The following SMIM14 variants were observed in gnomAD, a reference collection of about 807,000 sequenced individuals.
SMIM14 encodes chromosome 4 open reading frame 34.
A neutral mutation model predicts 12.6 loss-of-function variants in SMIM14; 5 were observed. That is an observed-to-expected ratio of 0.40 (90% CI 0.21 to 0.83). The LOEUF (loss-of-function observed/expected upper bound fraction) is 0.83. Among genes scored for constraint, SMIM14 ranks in the 40% least tolerant of loss-of-function variants. The pLI is 0.37. For synonymous variants in SMIM14, 30 were observed against 40.1 expected (o/e 0.75, Z 0.95); for missense variants, 86 against 119.1 (o/e 0.72, Z 1.29).
intron 2 of SMIM14, among the ~76,000 whole-genome samples, chr4:39,578,195 T>C (rs2110017483): frequency 6.6e-6 from 1 of 152,324 alleles, no homozygotes; most frequent in Middle Eastern, 3.4e-3. Flanking sequence ...GTGCCCAGGC[T>C]GAAGTGCAGC....
chr4:39,631,461 A>G (rs1045623429), intron 1 of SMIM14, among the ~76,000 whole-genome samples: 7 of 151,702 alleles, frequency 4.6e-5, no homozygotes, highest in Non-Finnish European at 1.0e-4. Flanking sequence ...GATCGAGACC[A>G]TCCTGGCTAA....
intron 2 of SMIM14, among the ~76,000 whole-genome samples, chr4:39,602,739 A>T (rs1457645695): frequency 6.6e-6 from 1 of 152,140 alleles, no homozygotes; most frequent in East Asian, 1.9e-4. Flanking sequence ...TTAATGTATA[A>T]GTTCTTATTT....
chr4:39,618,796 T>C (rs1366416062), intron 1 of SMIM14, among the ~76,000 whole-genome samples: 1 of 152,108 alleles, frequency 6.6e-6, no homozygotes, highest in Non-Finnish European at 1.5e-5. Flanking sequence ...TTAGGTCTGG[T>C]AATTTACAGA....
chr4:39,578,603 T>C (rs568605857), intron 2 of SMIM14, among the ~76,000 whole-genome samples: 1 of 152,294 alleles, frequency 6.6e-6, no homozygotes, highest in South Asian at 2.1e-4. Flanking sequence ...AAACCATTCA[T>C]GTTAACACTG....
chr4:39,596,221 A>T (rs1714356536), intron 2 of SMIM14, among the ~76,000 whole-genome samples: 1 of 151,640 alleles, frequency 6.6e-6, no homozygotes, highest in Non-Finnish European at 1.5e-5. Flanking sequence ...TCAGCCTCCC[A>T]AGTAGCTGGG....
intron 3 of SMIM14, among the ~76,000 whole-genome samples, chr4:39,557,527 T>C (rs1015309216): frequency 6.6e-6 from 1 of 152,128 alleles, no homozygotes; most frequent in Non-Finnish European, 1.5e-5. Context: ...GGCCATGCCA[T>C]GTTTGTAGAT....
intron 1 of SMIM14, among the ~76,000 whole-genome samples, chr4:39,611,305 A>T (rs1032374929): frequency 4.6e-5 from 7 of 152,234 alleles, no homozygotes; most frequent in Admixed American, 2.0e-4. Context: ...CAGGAGTTCG[A>T]GACCAGCCTG....
rs905917179 is a variant in SMIM14, at chr4:39,556,682, T to C, written c.125-112A>G. 3.0e-6 allele frequency: 3 copies of C among 992,372 alleles called. No individual in the cohort carries two copies. The African/African-American group carries it at 5.0e-5, about 16-fold the overall frequency. 61.5% of individuals were successfully genotyped at this position (992,372 alleles called of 1,614,324 possible). ...TGTATTAATATAAAAATTGTATTGA[T>C]AAATTACAAAAGTACATATTATATC... On this transcript the variant is annotated intron_variant, in intron 3 of 4. Transcript: ENST00000295958.
chr4:39,599,376 CA>C (rs1413595560), intron 2 of SMIM14, among the ~76,000 whole-genome samples: 2 of 151,614 alleles, frequency 1.3e-5, no homozygotes, highest in African/African-American at 4.9e-5. Flanking sequence ...GGATTCTGAG[CA>C]AAGGAGAAAC....
At position 39,573,977 on chromosome 4, in the gene SMIM14, C is replaced by T. The variant is rs572506044; in HGVS notation, c.76-1514G>A. Among the ~76,000 whole-genome samples, 14 of 152,280 alleles carry T rather than the reference C, an allele frequency of 9.2e-5. No individual in the cohort carries two copies. The South Asian group carries it at 2.5e-3, about 27-fold the overall frequency. The stretch of plus-strand genomic sequence containing the variant: ...TATAAGCCATCCTTTTATAAGCATA[C>T]AACCTATGCTGAGACCTTTTACGAT... On this transcript the variant is annotated intron_variant, in intron 2 of 4. Coordinates refer to ENST00000295958, the MANE Select transcript of SMIM14 (RefSeq NM_174921.3).
In SMIM14 at chr4:39,601,002, CA is replaced by C. The variant is rs548421814; in HGVS notation, c.75+4068del. ...AACTTGAGTGTATGCTCCCAGAAAGCAAAAAAAAAGTTTATTAAAAAAAATT... is the reference window on the plus strand; with the variant it reads ...AACTTGAGTGTATGCTCCCAGAAAGCAAAAAAAAGTTTATTAAAAAAAATT... On this transcript the variant is annotated intron_variant, in intron 2 of 4. Transcript: ENST00000295958. Among the ~76,000 whole-genome samples the C allele has an allele frequency of 9.4e-5, 14 of 148,960 alleles. No individual in the cohort carries two copies. In the East Asian group the frequency reaches 2.7e-3, roughly 29 times the overall value.
At chr4:39,635,700 G>C (rs750814540) in intron 1 of SMIM14, among the ~76,000 whole-genome samples, 11 of 152,188 alleles carry the variant, frequency 7.2e-5, no homozygotes, top group Non-Finnish European at 1.5e-4. Flanking sequence ...AAAGATTTTA[G>C]GTAAGTTTAT....
At chr4:39,611,334 C>T (rs1278036442) in intron 1 of SMIM14, among the ~76,000 whole-genome samples, 2 of 152,080 alleles carry the variant, frequency 1.3e-5, no homozygotes, top group Non-Finnish European at 2.9e-5. Flanking sequence ...GGCCAAACCC[C>T]GTCTCTACTA....
intron 1 of SMIM14, among the ~76,000 whole-genome samples, chr4:39,619,799 T>C (rs1296139304): frequency 2.1e-5 from 3 of 140,056 alleles, no homozygotes; most frequent in African/African-American, 5.2e-5. Flanking sequence ...TTTATATATA[T>C]CTCAATTTTC....
chr4:39,578,259 C>T (rs1713304441), intron 2 of SMIM14, among the ~76,000 whole-genome samples: 1 of 152,142 alleles, frequency 6.6e-6, no homozygotes, highest in Non-Finnish European at 1.5e-5. Flanking sequence ...GCAATCCTCC[C>T]GCCCCAGGCT....
chr4:39,610,364 T>C (rs1223230437), intron 1 of SMIM14, among the ~76,000 whole-genome samples: 1 of 152,046 alleles, frequency 6.6e-6, no homozygotes, highest in African/African-American at 2.4e-5. Flanking sequence ...TATCCACAAA[T>C]TGACCCATGA....
intron 1 of SMIM14, among the ~76,000 whole-genome samples, chr4:39,613,691 A>T (rs1291961061): frequency 6.6e-6 from 1 of 152,232 alleles, no homozygotes; most frequent in Non-Finnish European, 1.5e-5. Context: ...TTTGATAGAA[A>T]GTAATTTAAA....
At chr4:39,590,828 T>A (rs2110038122) in intron 2 of SMIM14, among the ~76,000 whole-genome samples, 1 of 151,972 alleles carries the variant, frequency 6.6e-6, no homozygotes, top group South Asian at 2.1e-4. Context: ...AATTCCATAG[T>A]TATCACGGGG....
At chr4:39,598,719 T>G (rs558220764) in intron 2 of SMIM14, among the ~76,000 whole-genome samples, 2 of 152,308 alleles carry the variant, frequency 1.3e-5, no homozygotes, top group East Asian at 3.9e-4. Flanking sequence ...GTACTTTTTT[T>G]GCATTTTTCT....
Sources: allele counts gnomAD v4.1 joint callset (sites outside exome capture counted in the v4.1 genomes callset), GRCh38; gene constraint gnomAD v4.1.1; transcripts MANE v1.5; gene names NCBI Gene and HGNC (gene_info 2026-07-23, HGNC 2026-07-21).